Variants in DPH6 observed in about 807,000 individuals in gnomAD.
DPH6 encodes the protein diphthine--ammonia ligase.
DPH6 carries 33 observed loss-of-function variants against 38.2 expected under a neutral mutation model. That is an observed-to-expected ratio of 0.86 (90% confidence interval 0.65 to 1.15). The LOEUF is 1.15. Ranked by LOEUF, DPH6 falls within the 50% of genes most tolerant of loss-of-function variation. DPH6 has a pLI of 0.00. For missense variants in DPH6, 325 were observed against 320.0 expected (o/e 1.02, Z -0.12); for synonymous variants, 108 against 103.0 (o/e 1.05, Z -0.30).
At chr15:35,453,234 T>C (rs555144683) in intron 4 of DPH6, among the ~76,000 whole-genome samples, 13 of 152,302 alleles carry the variant, frequency 8.5e-5, no homozygotes, top group South Asian at 6.2e-4. Context: ...GTACCAGTGA[T>C]TGTGTTTTGA....
At chr15:35,338,219 G>C (rs1454653797) in intron 3 of DPH6, among the ~76,000 whole-genome samples, 1 of 151,578 alleles carries the variant, frequency 6.6e-6, no homozygotes, top group Non-Finnish European at 1.5e-5. Context: ...CACAGCAAAA[G>C]AAACTACCAT....
chr15:35,450,972 T>C (rs1474401016), intron 4 of DPH6, among the ~76,000 whole-genome samples, 169 bp from the exon 5 acceptor site: 1 of 152,214 alleles, frequency 6.6e-6, no homozygotes, highest in African/African-American at 2.4e-5. Flanking sequence ...CATAAACATA[T>C]TTAATTTCCA....
intron 2 of DPH6, among the ~76,000 whole-genome samples, chr15:35,542,043 T>TAG (rs1383330773): frequency 6.6e-6 from 1 of 152,134 alleles, no homozygotes; most frequent in Non-Finnish European, 1.5e-5. Flanking sequence ...CCTGAGACTG[T>TAG]ATCTTATCTA....
chr15:35,454,757 C>T lies in DPH6; in HGVS notation c.376G>A (p.Val126Met), dbSNP rs1373320456. 6.2e-7 allele frequency: 1 copy of T among 1,607,992 alleles called. No homozygotes were observed. The highest frequency in any genetic ancestry group is 8.5e-7 in the Non-Finnish European group (1 of 1,177,560). The change falls in exon 4 of 9, where the codon GTG becomes ATG. Residue 126 changes from valine to methionine, a missense_variant. Coordinates refer to ENST00000256538, the MANE Select transcript of DPH6 (RefSeq NM_080650.4). ...AILSDYQRIR[V>M]ENVCKRLNLQ... ...TTAATGTTTTCTTACACATTTTCCACTCGAATACGCTGATAGTCAGAAAGT... is the reference window on the plus strand; with the variant it reads ...TTAATGTTTTCTTACACATTTTCCATTCGAATACGCTGATAGTCAGAAAGT...
intron 6 of DPH6, chr15:35,400,766 C>A: frequency 1.3e-6 from 1 of 750,718 alleles, no homozygotes; most frequent in Admixed American, 1.8e-5. Context: ...TTGGAAACAA[C>A]CGATGAGAGC....
intron 3 of DPH6, chr15:35,299,313 C>T: frequency 9.8e-7 from 1 of 1,023,286 alleles, no homozygotes; most frequent in Admixed American, 1.7e-5. Flanking sequence ...TACCTTGTTT[C>T]GTCCTTTGGC....
chr15:35,305,420 G>GT (rs1366027458), intron 3 of DPH6, among the ~76,000 whole-genome samples: 2 of 151,706 alleles, frequency 1.3e-5, no homozygotes, highest in Admixed American at 6.6e-5. Flanking sequence ...TCCAAATCTC[G>GT]TATGTTTTTA....
intron 6 of DPH6, among the ~76,000 whole-genome samples, chr15:35,410,275 G>C (rs2053347993): frequency 6.6e-6 from 1 of 151,656 alleles, no homozygotes. Flanking sequence ...CATAACATTT[G>C]TTCTAAAACT....
intron 3 of DPH6, among the ~76,000 whole-genome samples, chr15:35,474,323 G>GA (rs1360403854): frequency 6.6e-6 from 1 of 152,076 alleles, no homozygotes; most frequent in African/African-American, 2.4e-5. Flanking sequence ...CTAGAGTCAC[G>GA]AGGTTTCAAA....
At chr15:35,376,910 C>T (rs555312942) in intron 7 of DPH6, among the ~76,000 whole-genome samples, 5 of 152,222 alleles carry the variant, frequency 3.3e-5, no homozygotes, top group African/African-American at 1.2e-4. Flanking sequence ...CCTAACAATG[C>T]ATTTCTCAGA....
At chr15:35,319,426 G>A (rs2052220723) in intron 3 of DPH6, among the ~76,000 whole-genome samples, 1 of 152,110 alleles carries the variant, frequency 6.6e-6, no homozygotes, top group Non-Finnish European at 1.5e-5. Context: ...TGAAGTGACA[G>A]TAGAAAGGTA....
chr15:35,288,233 A>C (rs1358553157), intron 3 of DPH6, among the ~76,000 whole-genome samples: 1 of 152,202 alleles, frequency 6.6e-6, no homozygotes, highest in Non-Finnish European at 1.5e-5. Flanking sequence ...CATAATTTCT[A>C]TAAGGGGCTT....
chr15:35,288,407 A>C (rs907428128), intron 3 of DPH6, among the ~76,000 whole-genome samples: 1 of 152,220 alleles, frequency 6.6e-6, no homozygotes, highest in African/African-American at 2.4e-5. Context: ...CAAAAGGAGA[A>C]TAAGTCTAGT....
downstream of DPH6, among the ~76,000 whole-genome samples, chr15:35,212,464 G>C (rs569719477): frequency 2.0e-5 from 3 of 152,226 alleles, no homozygotes; most frequent in African/African-American, 4.8e-5. Flanking sequence ...AGAATGCTGA[G>C]TGCCCAGGAC....
chr15:35,190,295 G>A, the DPH6 span, among the ~76,000 whole-genome samples: 25 of 152,316 alleles, frequency 1.6e-4, no homozygotes, highest in Middle Eastern at 3.4e-3. Context: ...TTTAATTCAC[G>A]CAGAGCCAGC....
intron 3 of DPH6, among the ~76,000 whole-genome samples, chr15:35,331,351 T>A (rs570669926): frequency 6.6e-6 from 1 of 152,290 alleles, no homozygotes; most frequent in Admixed American, 6.5e-5. Context: ...AATATAGACT[T>A]GAAGCATTTA....
At chr15:35,483,762 T>C (rs1039992882) in intron 3 of DPH6, among the ~76,000 whole-genome samples, 1 of 152,196 alleles carries the variant, frequency 6.6e-6, no homozygotes, top group Non-Finnish European at 1.5e-5. Flanking sequence ...GCATTACACA[T>C]ACTAGCCAAA....
chr15:35,364,596 G>C (rs570765602), intron 3 of DPH6, among the ~76,000 whole-genome samples: 1 of 152,056 alleles, frequency 6.6e-6, no homozygotes, highest in South Asian at 2.1e-4. Flanking sequence ...TTTTCATTTA[G>C]CACTATAAAA....
At chr15:35,278,427 G>C (rs371400383) in intron 3 of DPH6, among the ~76,000 whole-genome samples, 56 of 152,242 alleles carry the variant, frequency 3.7e-4, no homozygotes, top group African/African-American at 1.3e-3. Context: ...GAAAGCCTAG[G>C]TGCCTGGGCA....
Sources: gnomAD v4.1 joint callset for allele counts (sites outside exome capture counted in the v4.1 genomes callset) on GRCh38, gnomAD v4.1.1 for gene constraint, MANE v1.5 for transcripts, NCBI Gene and HGNC (gene_info 2026-07-23, HGNC 2026-07-21) for gene names.